Variants in METTL8 observed in about 807,000 individuals in gnomAD.
The protein encoded by METTL8 is methyltransferase 8, tRNA N3-cytidine, also known as tRNA N(3)-cytidine methyltransferase METTL8, mitochondrial.
METTL8 carries 32 observed loss-of-function variants against 48.7 expected under a neutral mutation model. The observed-to-expected ratio is 0.66, with a 90% CI of 0.50 to 0.88. The LOEUF (loss-of-function observed/expected upper bound fraction) is 0.88. Ranked by LOEUF, METTL8 falls within the 40% of genes least tolerant of loss-of-function variation. METTL8 has a pLI of 0.00. For missense variants in METTL8, 464 were observed against 474.4 expected (o/e 0.98, Z 0.20); for synonymous variants, 136 against 157.1 (o/e 0.87, Z 1.01).
intron 2 of METTL8, among the ~76,000 whole-genome samples, chr2:171,379,753 G>A (rs1268913887): frequency 6.6e-6 from 1 of 151,708 alleles, no homozygotes; most frequent in Admixed American, 6.6e-5. Context: ...AATTGAGGCA[G>A]TAATAGCTTA....
chr2:171,407,338 C>T (rs1690290491), intron 1 of METTL8, among the ~76,000 whole-genome samples: 1 of 149,332 alleles, frequency 6.7e-6, no homozygotes, highest in East Asian at 2.0e-4. Context: ...ACTCTAAAAG[C>T]GGGGGGGAAA....
chr2:171,422,709 A>C (rs1691995899), intron 1 of METTL8, among the ~76,000 whole-genome samples: 1 of 152,236 alleles, frequency 6.6e-6, no homozygotes, highest in African/African-American at 2.4e-5. Flanking sequence ...GACATTAAAA[A>C]TAGATGCTCA....
At chr2:171,375,197 G>T (rs994979293) in intron 2 of METTL8, 72 of 1,400,466 alleles carry the variant, frequency 5.1e-5, no homozygotes, top group Non-Finnish European at 7.1e-5. Flanking sequence ...GGCACGCATC[G>T]GGTACAGTTA....
chr2:171,337,172 C>A (rs770376988), intron 5 of METTL8, among the ~76,000 whole-genome samples: 1 of 152,076 alleles, frequency 6.6e-6, no homozygotes, highest in Non-Finnish European at 1.5e-5. Flanking sequence ...CAGTCTGCTT[C>A]CTCTTTTCTT....
chr2:171,369,018 C>T (rs529484141), intron 2 of METTL8, among the ~76,000 whole-genome samples: 26 of 152,218 alleles, frequency 1.7e-4, no homozygotes, highest in African/African-American at 6.3e-4. Context: ...TTAAAAACTC[C>T]TCTCCAGCCA....
intron 1 of METTL8, among the ~76,000 whole-genome samples, chr2:171,433,672 G>A (rs1693424897): frequency 6.6e-6 from 1 of 152,180 alleles, no homozygotes; most frequent in Non-Finnish European, 1.5e-5. Context: ...AAGAATGGAG[G>A]CGAGAGGAAA....
chr2:171,351,476 GTAGTT>G (rs1187059355), intron 3 of METTL8, among the ~76,000 whole-genome samples: 49 of 152,238 alleles, frequency 3.2e-4, no homozygotes, highest in African/African-American at 1.2e-3. Flanking sequence ...GAACTTTCAA[GTAGTT>G]TTTTCCAATT....
chr2:171,381,292 A>C (rs897263567), intron 2 of METTL8, among the ~76,000 whole-genome samples: 1 of 152,152 alleles, frequency 6.6e-6, no homozygotes, highest in African/African-American at 2.4e-5. Context: ...AAACCAAAAA[A>C]CATAAAAACC....
At chr2:171,373,615 T>A (rs1686615886) in intron 2 of METTL8, among the ~76,000 whole-genome samples, 1 of 152,244 alleles carries the variant, frequency 6.6e-6, no homozygotes, top group Non-Finnish European at 1.5e-5. Context: ...TGGTTTTAGA[T>A]CTAACATTTA....
chr2:171,385,959 A>G (rs1688008085), intron 2 of METTL8, among the ~76,000 whole-genome samples: 1 of 152,212 alleles, frequency 6.6e-6, no homozygotes, highest in African/African-American at 2.4e-5. Context: ...CAGAATAACT[A>G]AAAGAGCCTT....
At chr2:171,413,457 A>G (rs1052454912) in intron 1 of METTL8, among the ~76,000 whole-genome samples, 1 of 152,230 alleles carries the variant, frequency 6.6e-6, no homozygotes, top group East Asian at 1.9e-4. Context: ...CATTCTTCTA[A>G]TATTTTTCTT....
At chr2:171,382,963 A>T (rs957440431) in intron 2 of METTL8, among the ~76,000 whole-genome samples, 1 of 151,730 alleles carries the variant, frequency 6.6e-6, no homozygotes, top group Non-Finnish European at 1.5e-5. Flanking sequence ...AATCCCAGCT[A>T]CTTGGGAGGC....
chr2:171,347,307 A>C (rs1683376619), intron 3 of METTL8, among the ~76,000 whole-genome samples: 1 of 152,206 alleles, frequency 6.6e-6, no homozygotes, highest in Non-Finnish European at 1.5e-5. Flanking sequence ...GAGAGAGGCC[A>C]GTCACCACCT....
rs533601244 is a variant in METTL8 at position 171,406,127 on chromosome 2, G to A, written c.-12-13930C>T. 3.9e-5 allele frequency among the ~76,000 whole-genome samples: 6 copies of A among 152,304 alleles called. No individual in the cohort carries two copies. The East Asian group carries it at 9.6e-4, about 24-fold the overall frequency. Reference sequence around the variant, plus strand: ...CAGAGTGGACATGATTGAAGCCAGAGGTGAACATATACCCTATGCTAAGCC... The same window carrying A: ...CAGAGTGGACATGATTGAAGCCAGAAGTGAACATATACCCTATGCTAAGCC... On this transcript the variant is annotated intron_variant, in intron 1 of 9. Coordinates refer to ENST00000375258, the MANE Select transcript of METTL8 (RefSeq NM_001321154.2).
chr2:171,337,573 T>G, intron 4 of METTL8, 71 bp from the exon 5 acceptor site: 45 of 1,149,884 alleles, frequency 3.9e-5, no homozygotes, highest in Non-Finnish European at 5.3e-5. Flanking sequence ...TCAGATCTCC[T>G]ATTAAAGAAA....
At chr2:171,354,930 T>C (rs1003108518) in intron 3 of METTL8, among the ~76,000 whole-genome samples, 2 of 152,202 alleles carry the variant, frequency 1.3e-5, no homozygotes, top group Non-Finnish European at 2.9e-5. Flanking sequence ...TCAGAGAAGT[T>C]TGTTATTACC....
intron 1 of METTL8, among the ~76,000 whole-genome samples, chr2:171,405,602 G>T (rs1335654456): frequency 3.3e-5 from 5 of 152,178 alleles, no homozygotes; most frequent in Admixed American, 2.0e-4. Context: ...TCATGTAGGT[G>T]AAAGAAGGGT....
intron 3 of METTL8, among the ~76,000 whole-genome samples, chr2:171,340,928 A>AG (rs1045358875): frequency 1.2e-4 from 19 of 152,236 alleles, no homozygotes; most frequent in African/African-American, 4.3e-4. Context: ...GATGCTCTTA[A>AG]AACAAATATG....
chr2:171,334,237 C>T (rs1458232814), intron 5 of METTL8, among the ~76,000 whole-genome samples: 1 of 152,152 alleles, frequency 6.6e-6, no homozygotes, highest in Non-Finnish European at 1.5e-5. Flanking sequence ...GAACAGTCTA[C>T]GAGCTAAAGG....
Sources: gnomAD v4.1 joint callset for allele counts (sites outside exome capture counted in the v4.1 genomes callset) on GRCh38, gnomAD v4.1.1 for gene constraint, MANE v1.5 for transcripts, NCBI Gene and HGNC (gene_info 2026-07-23, HGNC 2026-07-21) for gene names.